Variants in HMCN1 observed in about 807,000 individuals in gnomAD.
The protein encoded by HMCN1 is hemicentin-1.
HMCN1 carries 321 observed loss-of-function variants against 625.9 expected under a neutral mutation model. That is an observed-to-expected ratio of 0.51 (90% CI 0.47 to 0.56). The LOEUF is 0.56. Among genes scored for constraint, HMCN1 ranks in the 20% least tolerant of loss-of-function variants. HMCN1 has a pLI of 0.00. For missense variants in HMCN1, 6,588 were observed against 6,887.3 expected (o/e 0.96, Z 1.54); for synonymous variants, 2,425 against 2,417.6 (o/e 1.00, Z -0.09).
chr1:185,841,142 G>A (rs1661451689), intron 1 of HMCN1, among the ~76,000 whole-genome samples: 1 of 152,162 alleles, frequency 6.6e-6, no homozygotes, highest in African/African-American at 2.4e-5. Flanking sequence ...AACAATGGTT[G>A]AGATGCTGGA....
At chr1:186,160,616 T>C (rs1238688064) in intron 97 of HMCN1, among the ~76,000 whole-genome samples, 2 of 152,126 alleles carry the variant, frequency 1.3e-5, no homozygotes, top group Non-Finnish European at 2.9e-5. Context: ...TTCTGTTATG[T>C]TGTGTCTTTG....
chr1:185,740,581 G>A (rs964288920), intron 1 of HMCN1, among the ~76,000 whole-genome samples: 1 of 151,708 alleles, frequency 6.6e-6, no homozygotes, highest in African/African-American at 2.4e-5. Flanking sequence ...AGTAGGAAGT[G>A]TTTAGGTAGA....
intron 68 of HMCN1, among the ~76,000 whole-genome samples, chr1:186,100,462 C>A (rs1571352000): frequency 6.6e-6 from 1 of 152,038 alleles, no homozygotes; most frequent in Non-Finnish European, 1.5e-5. Flanking sequence ...CCACTGAAAA[C>A]AAGGGACAGC....
At chr1:185,887,532 C>G (rs1430130964) in intron 4 of HMCN1, among the ~76,000 whole-genome samples, 1 of 151,302 alleles carries the variant, frequency 6.6e-6, no homozygotes, top group Non-Finnish European at 1.5e-5. Flanking sequence ...TGTTCAATTC[C>G]CACCTGTGAG....
chr1:185,935,728 C>A (rs1667781015), intron 11 of HMCN1, among the ~76,000 whole-genome samples: 2 of 151,934 alleles, frequency 1.3e-5, no homozygotes, highest in African/African-American at 4.8e-5. Flanking sequence ...AGGGATATTT[C>A]AAAAATCTAA....
chr1:185,750,541 T>C (rs1654734162), intron 1 of HMCN1, among the ~76,000 whole-genome samples: 1 of 152,162 alleles, frequency 6.6e-6, no homozygotes, highest in African/African-American at 2.4e-5. Context: ...AGTGAATTGT[T>C]CATTTTATCT....
intron 4 of HMCN1, among the ~76,000 whole-genome samples, chr1:185,880,695 T>C (rs1456693515): frequency 6.6e-6 from 1 of 152,238 alleles, no homozygotes; most frequent in Non-Finnish European, 1.5e-5. Flanking sequence ...AGGCATATAG[T>C]AGATTTCTAG....
intron 1 of HMCN1, among the ~76,000 whole-genome samples, chr1:185,830,392 G>A (rs1054347743): frequency 1.3e-5 from 2 of 152,008 alleles, no homozygotes; most frequent in African/African-American, 4.8e-5. Flanking sequence ...GTTTTACATC[G>A]AAGTTTTTAA....
rs894243578 is a variant in HMCN1, at chr1:186,166,697, C to A, written c.15440-111C>A. 1.3e-5 allele frequency: 19 copies of A among 1,497,160 alleles called. 1 individual carries two copies. The East Asian group carries it at 4.3e-4, about 34-fold the overall frequency. The allele number at this position is 1,497,160 out of a possible 1,614,324, so 92.7% of individuals were successfully genotyped here. A position where few individuals can be genotyped will look rare whatever the true frequency, so the allele number is the denominator to read the frequency against. Reference sequence around the variant, plus strand: ...ACCAAAAACTTTAGTCCTTCTTGTTCTTTTCTAGTTTCAAGGGTCCTTCAC... The same window carrying A: ...ACCAAAAACTTTAGTCCTTCTTGTTATTTTCTAGTTTCAAGGGTCCTTCAC... On this transcript the variant is annotated intron_variant, in intron 99 of 106. Coordinates refer to ENST00000271588, the MANE Select transcript of HMCN1 (RefSeq NM_031935.3).
intron 1 of HMCN1, among the ~76,000 whole-genome samples, chr1:185,768,702 TTGGGAGGCCAAGG>T (rs1477405335): frequency 1.3e-5 from 2 of 152,182 alleles, no homozygotes; most frequent in African/African-American, 4.8e-5. Context: ...TCCTAGCACT[TTGGGAGGCCAAGG>T]TGGGAGGATC....
At position 186,122,972 on chromosome 1, in the gene HMCN1, A is replaced by G. The variant is rs1345927943; in HGVS notation, c.12251A>G (p.His4084Arg). 2 of 1,613,870 alleles carry G rather than the reference A, an allele frequency of 1.2e-6. No individual in the cohort carries two copies. The highest frequency in any genetic ancestry group is 8.5e-7 in the Non-Finnish European group (1 of 1,179,992). Residue 4084 changes from histidine to arginine, a missense_variant, in exon 81 of 107, where the codon CAT (histidine) becomes CGT (arginine). Around this residue, in one of 3 missense-constraint regions of HMCN1, gnomAD observed 1,954 missense variants for 2,013.1 expected, o/e 0.97. Transcript: ENST00000271588. Reference sequence around the variant, plus strand: ...TTAGTTCCTCCAGTCATTAGCCCTCATCTAAAGGAATATGTTATTGCTGTG... The same window carrying G: ...TTAGTTCCTCCAGTCATTAGCCCTCGTCTAAAGGAATATGTTATTGCTGTG... ...NVQVPPVISP[H>R]LKEYVIAVDK...
At chr1:186,062,052 C>T (rs536043288) in intron 47 of HMCN1, 88 bp downstream of exon 47, 16 of 788,982 alleles carry the variant, frequency 2.0e-5, no homozygotes, top group Non-Finnish European at 2.0e-5. Flanking sequence ...CACTTGATCT[C>T]ATACCTGTGT....
chr1:186,144,540 C>T lies in HMCN1; in HGVS notation c.14103C>T (p.Gly4701=). 1 of 1,614,046 alleles carries T rather than the reference C, an allele frequency of 6.2e-7. No homozygotes were observed. The highest frequency in any genetic ancestry group is 1.7e-4 in the Middle Eastern group (1 of 6,060). The change falls in exon 91 of 107, where the codon GGC becomes GGT. Residue 4701 remains glycine, a synonymous_variant. Coordinates refer to ENST00000271588, the MANE Select transcript of HMCN1 (RefSeq NM_031935.3). ...VCNERNCPIH[G]KWATWASWSA... ...CTTTTTCCCTTATTCCAGTTCATGG[C>T]AAGTGGGCGACTTGGGCCAGTTGGA...
intron 30 of HMCN1, among the ~76,000 whole-genome samples, chr1:186,014,835 G>T (rs1393658827): frequency 6.6e-6 from 1 of 152,040 alleles, no homozygotes; most frequent in Non-Finnish European, 1.5e-5. Flanking sequence ...AACTTGCTGT[G>T]TCTCCTTTGA....
rs1571583753 is a variant in HMCN1, at chr1:185,936,642, C to T, written c.1828+2818C>T. Among the ~76,000 whole-genome samples the T allele has an allele frequency of 2.6e-5, 4 of 152,284 alleles. No homozygotes were observed. In the South Asian group the frequency reaches 6.2e-4, roughly 24 times the overall value. On this transcript the variant is annotated intron_variant, in intron 11 of 106. Transcript: ENST00000271588. Reference sequence around the variant, plus strand: ...AGCAGGACAGAAAATGAACAGGCAACCTGGTTCCAGATAGAAAATTGTAAC... The same window carrying T: ...AGCAGGACAGAAAATGAACAGGCAATCTGGTTCCAGATAGAAAATTGTAAC...
chr1:185,983,293 G>C (rs1651782426), intron 18 of HMCN1, among the ~76,000 whole-genome samples: 1 of 151,970 alleles, frequency 6.6e-6, no homozygotes, highest in Non-Finnish European at 1.5e-5. Flanking sequence ...CCATTTTCCA[G>C]AATGTTGAGA....
Position 185,923,440 on chromosome 1 carries a change from A to G in HMCN1, c.1072A>G (p.Arg358Gly), listed in dbSNP as rs372559076. 12 of 1,610,318 alleles carry G rather than the reference A, an allele frequency of 7.5e-6. No individual in the cohort carries two copies. Among genetic ancestry groups the G allele is most frequent in the Non-Finnish European group, 9.3e-6 (11 of 1,177,048 alleles). ...TACTTCTGGAATTTCCACTCCAGCT[A>G]GAATAGATCTTCTTGAACTTTTGAG... ...LNTSGISTPA[R>G]IDLLELLSIS... The change falls in exon 8 of 107, where the codon AGA becomes GGA. Residue 358 changes from arginine to glycine, a missense_variant. Transcript: ENST00000271588.
intron 68 of HMCN1, among the ~76,000 whole-genome samples, chr1:186,101,453 A>G (rs1293211710): frequency 6.6e-6 from 1 of 152,152 alleles, no homozygotes; most frequent in Non-Finnish European, 1.5e-5. Context: ...GTGATTTTCA[A>G]ACATCCAAAT....
chr1:186,169,372 C>A (rs1652078716), intron 100 of HMCN1, among the ~76,000 whole-genome samples: 1 of 152,144 alleles, frequency 6.6e-6, no homozygotes, highest in Non-Finnish European at 1.5e-5. Context: ...AAAAAAGAGC[C>A]CGTATAGCCA....
Sources: allele counts gnomAD v4.1 joint callset (sites outside exome capture counted in the v4.1 genomes callset), GRCh38; gene constraint gnomAD v4.1.1; regional missense constraint gnomAD v4.1.1; transcripts MANE v1.5; gene names NCBI Gene and HGNC (gene_info 2026-07-23, HGNC 2026-07-21).